SLIT2: variants seen among roughly 807,000 people sequenced by gnomAD.
SLIT2 encodes slit guidance ligand 2.
A neutral mutation model predicts 185.7 loss-of-function variants in SLIT2; 41 were observed. The ratio of observed to expected loss-of-function variants is 0.22; its 90% CI spans 0.17 to 0.29. The LOEUF is 0.29. Ranked by LOEUF, SLIT2 falls within the 10% of genes least tolerant of loss-of-function variation. The pLI, the probability that SLIT2 is intolerant of heterozygous loss-of-function variation, is 1.00. For missense variants in SLIT2, 1,571 were observed against 1,909.0 expected (o/e 0.82, Z 3.30); for synonymous variants, 693 against 680.2 (o/e 1.02, Z -0.29).
At position 20,553,907 on chromosome 4, in the gene SLIT2, T is replaced by C; in HGVS notation, c.2664T>C (p.Gly888=). Residue 888 remains glycine (G), a synonymous_variant, in exon 26 of 37, where the codon GGT becomes GGC. Transcript: ENST00000504154. ...AGCCTGGAATTGCTCGTTGTGCTGG[T>C]CCTGGAGAAATGGCAGATAAACTTT... is the stretch of plus-strand genomic sequence containing the variant. ...YKEPGIARCA[G]PGEMADKLLL... The C allele has an allele frequency of 6.2e-7, 1 of 1,612,598 alleles. No homozygotes were observed. The highest frequency in any genetic ancestry group is 2.2e-5 in the East Asian group (1 of 44,848).
chr4:20,513,441 C>A (rs1358559488), intron 11 of SLIT2, among the ~76,000 whole-genome samples: 1 of 152,102 alleles, frequency 6.6e-6, no homozygotes, highest in Non-Finnish European at 1.5e-5. Flanking sequence ...GTTATTTTCC[C>A]CTCCATAAAA....
chr4:20,543,939 G>A (rs763477843), intron 21 of SLIT2, among the ~76,000 whole-genome samples: 39 of 151,996 alleles, frequency 2.6e-4, no homozygotes, highest in Middle Eastern at 3.4e-3. Context: ...GGGATATTCC[G>A]AAACCCTCCT....
At chr4:20,497,658 A>G (rs1259957962) in intron 9 of SLIT2, among the ~76,000 whole-genome samples, 3 of 152,158 alleles carry the variant, frequency 2.0e-5, no homozygotes, top group African/African-American at 4.8e-5. Context: ...AATCTTCTCC[A>G]CACAGCACTT....
chr4:20,363,906 G>A, intron 4 of SLIT2, among the ~76,000 whole-genome samples: 1 of 152,120 alleles, frequency 6.6e-6, no homozygotes, highest in Non-Finnish European at 1.5e-5. Context: ...GCTGTAAATT[G>A]TGGGATGTGT....
chr4:20,593,404 C>T lies in SLIT2; in HGVS notation c.3183-2293C>T, dbSNP rs60611848. Among the ~76,000 whole-genome samples, 23 of 152,046 alleles carry T rather than the reference C, an allele frequency of 1.5e-4. No homozygotes were observed. The East Asian group carries it at 4.3e-3, about 28-fold the overall frequency. ...GTAAGACAAATACCGGATGATCTCA[C>T]CTATATGTGGAATTTTAAAAAGTCA... is the stretch of plus-strand genomic sequence containing the variant. On this transcript the variant is annotated intron_variant, in intron 30 of 36. Transcript: ENST00000504154.
At chr4:20,310,813 TGAGA>T (rs889459305) in intron 4 of SLIT2, among the ~76,000 whole-genome samples, 2 of 150,494 alleles carry the variant, frequency 1.3e-5, no homozygotes, top group Admixed American at 6.6e-5. Context: ...ATCTGTGTTC[TGAGA>T]GAGTTTATCA....
intron 4 of SLIT2, among the ~76,000 whole-genome samples, chr4:20,434,201 A>G (rs1365633541): frequency 6.6e-6 from 1 of 152,074 alleles, no homozygotes; most frequent in African/African-American, 2.4e-5. Context: ...GAAAATGGGG[A>G]AGGAGGCTGG....
At chr4:20,595,268 T>A (rs1244056418) in intron 30 of SLIT2, among the ~76,000 whole-genome samples, 6 of 152,332 alleles carry the variant, frequency 3.9e-5, no homozygotes, top group South Asian at 4.1e-4. Flanking sequence ...AATCTTTTTT[T>A]AAATATGTTT....
At chr4:20,301,073 C>T (rs910828580) in intron 4 of SLIT2, among the ~76,000 whole-genome samples, 2 of 152,090 alleles carry the variant, frequency 1.3e-5, no homozygotes, top group Admixed American at 1.3e-4. Flanking sequence ...AAAGGCTATG[C>T]TCTCTTGAAC....
At chr4:20,595,887 G>A in intron 31 of SLIT2, 53 bp downstream of exon 31, 2 of 1,457,544 alleles carry the variant, frequency 1.4e-6, no homozygotes, top group Admixed American at 1.7e-5. Context: ...AGCACAACAG[G>A]GTGACTATAG....
In SLIT2 at chr4:20,467,820, A is replaced by G. The variant is rs748219890; in HGVS notation, c.464A>G (p.Asn155Ser). The G allele has an allele frequency of 3.9e-6, 6 of 1,544,930 alleles. No homozygotes were observed. Among genetic ancestry groups the G allele is most frequent in the Non-Finnish European group, 5.3e-6 (6 of 1,127,836 alleles). Reference sequence around the variant, plus strand: ...TTCCGTGGGGCAGTTGACATAAAAAATTTGTAAGTATCTATTTTTAAATTT... The same window carrying G: ...TTCCGTGGGGCAGTTGACATAAAAAGTTTGTAAGTATCTATTTTTAAATTT... Reference protein sequence around the residue: ...KAFRGAVDIKNLQLDYNQISC... With the variant: ...KAFRGAVDIKSLQLDYNQISC... The change falls in exon 5 of 37, where the codon AAT becomes AGT. Residue 155 changes from asparagine (N) to serine (S), a missense_variant. Coordinates refer to ENST00000504154, the MANE Select transcript of SLIT2 (RefSeq NM_004787.4).
intron 3 of SLIT2, among the ~76,000 whole-genome samples, chr4:20,265,376 T>C (rs895954370): frequency 1.3e-5 from 2 of 151,982 alleles, no homozygotes; most frequent in African/African-American, 4.8e-5. Flanking sequence ...TATAACCATT[T>C]AACCTTAGTA....
intron 29 of SLIT2, among the ~76,000 whole-genome samples, chr4:20,587,154 G>A (rs1727132283): frequency 6.6e-6 from 1 of 151,926 alleles, no homozygotes; most frequent in South Asian, 2.1e-4. Context: ...GAGTAGCTGG[G>A]ATTACAGGCC....
intron 24 of SLIT2, among the ~76,000 whole-genome samples, chr4:20,550,531 C>G (rs976507427): frequency 4.6e-5 from 7 of 151,752 alleles, no homozygotes; most frequent in African/African-American, 1.7e-4. Context: ...TATAACTGAG[C>G]CTGTGAAAGC....
At chr4:20,338,561 C>G (rs1720698532) in intron 4 of SLIT2, among the ~76,000 whole-genome samples, 1 of 152,134 alleles carries the variant, frequency 6.6e-6, no homozygotes, top group Non-Finnish European at 1.5e-5. Context: ...AGCTATGCAG[C>G]AAGGCAAATT....
intron 17 of SLIT2, among the ~76,000 whole-genome samples, chr4:20,533,220 A>G (rs1481669873): frequency 6.6e-6 from 1 of 152,252 alleles, no homozygotes; most frequent in African/African-American, 2.4e-5. Flanking sequence ...AGTCATTAAC[A>G]TTTGACAATT....
chr4:20,408,273 A>T (rs28420307), intron 4 of SLIT2, among the ~76,000 whole-genome samples: 33,429 of 152,164 alleles, frequency 0.22, 3,886 homozygotes, highest in Non-Finnish European at 0.27. Context: ...AGAAGCTGAG[A>T]TTATAATACT....
intron 4 of SLIT2, among the ~76,000 whole-genome samples, chr4:20,336,435 A>G (rs1720503778): frequency 6.6e-6 from 1 of 152,212 alleles, no homozygotes; most frequent in Admixed American, 6.5e-5. Flanking sequence ...GCAAGAACAG[A>G]AAACCTAACA....
rs142278172 is a variant in SLIT2, at chr4:20,582,931, G to T, written c.3089-6713G>T. On this transcript the variant is annotated intron_variant, in intron 29 of 36. Transcript: ENST00000504154. The stretch of plus-strand genomic sequence containing the variant: ...GACTGATGGGCAGGAGGCTTCTTCA[G>T]CCAGATACCCTGGATAGAGATAATT... Among the ~76,000 whole-genome samples, 579 of 152,324 alleles carry T rather than the reference G, an allele frequency of 3.8e-3. 2 individuals are homozygous for T. The highest frequency in any genetic ancestry group is 0.013 in the African/African-American group (548 of 41,578).
Sources: allele counts gnomAD v4.1 joint callset (sites outside exome capture counted in the v4.1 genomes callset), GRCh38; gene constraint gnomAD v4.1.1; transcripts MANE v1.5; gene names NCBI Gene and HGNC (gene_info 2026-07-23, HGNC 2026-07-21).